Variants in DTNBP1 observed in about 807,000 individuals in gnomAD.
DTNBP1 encodes the protein dysbindin.
DTNBP1 carries 35 observed loss-of-function variants against 42.8 expected under a neutral mutation model. The observed-to-expected ratio is 0.82, with a 90% CI of 0.63 to 1.09. The LOEUF is 1.09. DTNBP1 is among the 50% of genes least tolerant of loss of function. The pLI is 0.00. For synonymous variants in DTNBP1, 171 were observed against 162.2 expected, an observed-to-expected ratio of 1.05 and a Z score of -0.41; for missense variants, 457 against 424.2, an observed-to-expected ratio of 1.08 and a Z score of -0.68.
intron 4 of DTNBP1, among the ~76,000 whole-genome samples, chr6:15,628,172 TTC>T (rs1246565305): frequency 6.6e-6 from 1 of 152,106 alleles, no homozygotes; most frequent in East Asian, 1.9e-4. Context: ...TCCCAGACAA[TTC>T]TGTTTTGGTC....
At chr6:15,544,150 T>C (rs1773740422) in intron 7 of DTNBP1, among the ~76,000 whole-genome samples, 1 of 152,234 alleles carries the variant, frequency 6.6e-6, no homozygotes, top group African/African-American at 2.4e-5. Context: ...ATTTCATATG[T>C]TATGTAAGTG....
At chr6:15,610,731 C>T (rs1202597163) in intron 6 of DTNBP1, among the ~76,000 whole-genome samples, 1 of 152,208 alleles carries the variant, frequency 6.6e-6, no homozygotes, top group African/African-American at 2.4e-5. Context: ...GAAGATTAAA[C>T]CAGCCACAAC....
At chr6:15,586,115 C>T (rs1776069572) in intron 7 of DTNBP1, 1 of 892,736 alleles carries the variant, frequency 1.1e-6, no homozygotes, top group Non-Finnish European at 1.4e-6. Context: ...CATCTAGGTA[C>T]AAAGATGCTT....
At position 15,615,055 on chromosome 6, in the gene DTNBP1, C is replaced by A. The variant is rs1355236319; in HGVS notation, c.488+212G>T. 20 of 726,348 alleles carry A rather than the reference C, an allele frequency of 2.8e-5. No homozygotes were observed. The East Asian group carries it at 5.9e-4, about 21-fold the overall frequency. 45.0% of individuals were successfully genotyped at this position (726,348 alleles called of 1,614,324 possible). A position where few individuals can be genotyped will look rare whatever the true frequency, so the allele number is the denominator to read the frequency against. On this transcript the variant is annotated intron_variant, in intron 6 of 9. Transcript: ENST00000344537. Reference sequence around the variant, plus strand: ...CTCCTTCATCTTTATATTTGGGATTCATGTTTTACCTTCTCCTGAGTTTTT... The same window carrying A: ...CTCCTTCATCTTTATATTTGGGATTAATGTTTTACCTTCTCCTGAGTTTTT...
chr6:15,623,194 G>A (rs1341846057), intron 5 of DTNBP1, among the ~76,000 whole-genome samples: 3 of 152,146 alleles, frequency 2.0e-5, no homozygotes, highest in Non-Finnish European at 4.4e-5. Context: ...CCTCAGAAAG[G>A]AACCTGGACA....
At chr6:15,578,225 G>C (rs1339481357) in intron 7 of DTNBP1, among the ~76,000 whole-genome samples, 4 of 152,218 alleles carry the variant, frequency 2.6e-5, no homozygotes, top group Non-Finnish European at 4.4e-5. Context: ...GGGTGTTAGT[G>C]CAGGGAGCAC....
At chr6:15,604,883 C>T (rs7770921) in intron 6 of DTNBP1, among the ~76,000 whole-genome samples, 19,215 of 152,106 alleles carry the variant, frequency 0.13, 1,535 homozygotes, top group African/African-American at 0.23. Flanking sequence ...TCAGAGGCAG[C>T]AGCGACCACC....
chr6:15,554,599 T>C (rs1165669620), intron 7 of DTNBP1, among the ~76,000 whole-genome samples: 2 of 151,876 alleles, frequency 1.3e-5, no homozygotes, highest in Non-Finnish European at 2.9e-5. Flanking sequence ...CACAAACACT[T>C]TGAGGGAGGG....
chr6:15,653,745 C>A (rs1761139935), intron 1 of DTNBP1, among the ~76,000 whole-genome samples: 1 of 152,186 alleles, frequency 6.6e-6, no homozygotes, highest in Non-Finnish European at 1.5e-5. Context: ...TCAACAAGTA[C>A]TCATTTGTAA....
At chr6:15,649,438 T>C (rs1378998457) in intron 3 of DTNBP1, among the ~76,000 whole-genome samples, 3 of 152,186 alleles carry the variant, frequency 2.0e-5, no homozygotes, top group African/African-American at 7.2e-5. Flanking sequence ...ACTTATATGA[T>C]GTTCCTAGAA....
chr6:15,528,490 T>A (rs1772574324), intron 8 of DTNBP1, among the ~76,000 whole-genome samples: 2 of 152,148 alleles, frequency 1.3e-5, no homozygotes, highest in South Asian at 4.1e-4. Flanking sequence ...CTAAGTAGAC[T>A]ACAGTATGGT....
At chr6:15,534,679 A>AG (rs869183101) in intron 7 of DTNBP1, among the ~76,000 whole-genome samples, 1 of 139,094 alleles carries the variant, frequency 7.2e-6, no homozygotes, top group African/African-American at 2.7e-5. Flanking sequence ...AAAAAAAAAA[A>AG]GCTTGGGAAC....
chr6:15,577,272 C>T (rs1775620822), intron 7 of DTNBP1, among the ~76,000 whole-genome samples: 1 of 152,212 alleles, frequency 6.6e-6, no homozygotes, highest in African/African-American at 2.4e-5. Flanking sequence ...CAAGCCAGGA[C>T]TCGGGAGGTA....
intron 6 of DTNBP1, among the ~76,000 whole-genome samples, chr6:15,614,247 G>T (rs1758592665): frequency 6.6e-6 from 1 of 151,794 alleles, no homozygotes. Context: ...GGGTAGGGGG[G>T]TGGTGGTATA....
intron 7 of DTNBP1, among the ~76,000 whole-genome samples, chr6:15,551,545 T>C (rs1489976723): frequency 6.6e-6 from 1 of 152,134 alleles, no homozygotes; most frequent in Middle Eastern, 3.2e-3. Flanking sequence ...ACGCCTGCAC[T>C]CAGCCAACTT....
chr6:15,639,585 G>C (rs147040058), intron 3 of DTNBP1, among the ~76,000 whole-genome samples: 185 of 152,304 alleles, frequency 1.2e-3, no homozygotes, highest in African/African-American at 4.3e-3. Flanking sequence ...CAGTCCTGCT[G>C]TCATTGTTGA....
In DTNBP1 at chr6:15,593,086, A is replaced by AG. The variant is rs776903269; in HGVS notation, c.489-6dup. The stretch of plus-strand genomic sequence containing the variant: ...TTGAAGGTTTCAAGTTCCTTCCTGT[A>AG]GGAAAAAAAAAAAAAAGACAAGACA... On this transcript the variant is annotated splice_region_variant and splice_polypyrimidine_tract_variant and intron_variant, in intron 6 of 9. Coordinates refer to ENST00000344537, the MANE Select transcript of DTNBP1 (RefSeq NM_032122.5). 5.1e-6 allele frequency: 8 copies of AG among 1,558,954 alleles called. No homozygotes were observed. The highest frequency in any genetic ancestry group is 6.1e-6 in the Non-Finnish European group (7 of 1,153,948).
At chr6:15,534,659 C>CAAAA (rs34234744) in intron 7 of DTNBP1, among the ~76,000 whole-genome samples, 10 of 99,248 alleles carry the variant, frequency 1.0e-4, no homozygotes, top group Non-Finnish European at 1.1e-4. Context: ...GACTCTGTCT[C>CAAAA]AAAAAAAAAA....
At chr6:15,526,602 C>T (rs1772417420) in intron 8 of DTNBP1, among the ~76,000 whole-genome samples, 1 of 152,208 alleles carries the variant, frequency 6.6e-6, no homozygotes, top group African/African-American at 2.4e-5. Context: ...GGGTTGAGCC[C>T]AGCCGCACAG....
Sources: gnomAD v4.1 joint callset for allele counts (sites outside exome capture counted in the v4.1 genomes callset) on GRCh38, gnomAD v4.1.1 for gene constraint, MANE v1.5 for transcripts, NCBI Gene and HGNC (gene_info 2026-07-23, HGNC 2026-07-21) for gene names.